PIK3C2B: variants seen among roughly 807,000 people sequenced by gnomAD.
PIK3C2B encodes the protein phosphatidylinositol-4-phosphate 3-kinase catalytic subunit type 2 beta.
A neutral mutation model predicts 184.3 loss-of-function variants in PIK3C2B; 83 were observed. That is an observed-to-expected ratio of 0.45 (90% CI 0.38 to 0.54). The LOEUF is 0.54. PIK3C2B is among the 20% of genes least tolerant of loss of function. The pLI is 0.00. For synonymous variants in PIK3C2B, 779 were observed against 837.6 expected, an observed-to-expected ratio of 0.93 and a Z score of 1.21; for missense variants, 1,736 against 2,113.5, an observed-to-expected ratio of 0.82 and a Z score of 3.50.
chr1:204,488,720 T>A (rs1204911691), intron 1 of PIK3C2B, among the ~76,000 whole-genome samples: 1 of 152,104 alleles, frequency 6.6e-6, no homozygotes, highest in Non-Finnish European at 1.5e-5. Context: ...CTGCCCCAAT[T>A]CCTACTCATT....
intron 9 of PIK3C2B, 149 bp from the exon 10 acceptor site, chr1:204,457,219 G>A (rs1165013016): frequency 1.5e-6 from 1 of 670,588 alleles, no homozygotes; most frequent in Admixed American, 2.8e-5. Flanking sequence ...AGAGAGTAAT[G>A]GTTTGTACCA....
At position 204,429,932 on chromosome 1, in the gene PIK3C2B, CA is replaced by C. The variant is rs752234098; in HGVS notation, c.4386del (p.Glu1463ArgfsTer46). 6.2e-7 allele frequency: 1 copy of C among 1,608,836 alleles called. No homozygotes were observed. Among genetic ancestry groups the C allele is most frequent in the East Asian group, 2.2e-5 (1 of 44,870 alleles). Reference protein sequence around the residue: ...GYIWHLIHAPPEVAECDLVYT... With the variant: ...GYIWHLIHAPXEVAECDLVYT... ...GCAAGCCCACCCACCTCGGCCACCT[CA>C]GGGGGTGCGTGGATCAAGTGCCAGA... On this transcript the variant is annotated frameshift_variant, in exon 29 of 33. Transcript: ENST00000684373. LOFTEE classifies it high-confidence loss of function.
rs1186080131 is a variant in PIK3C2B at position 204,487,210 on chromosome 1, A to AGGC, written c.-85+7145_-85+7146insGCC. ...AACCTCAAACTCCCCAGGTCAAGTGATCCTCCCACCTCAGCCTCTCAAGTA... is the reference window on the plus strand; with the variant it reads ...AACCTCAAACTCCCCAGGTCAAGTGAGGCTCCTCCCACCTCAGCCTCTCAAGTA... On this transcript the variant is annotated intron_variant, in intron 1 of 32. Transcript: ENST00000684373. 1.6e-3 allele frequency among the ~76,000 whole-genome samples: 241 copies of AGGC among 152,302 alleles called. 1 individual carries two copies. The highest frequency in any genetic ancestry group is 1.5e-3 in the Non-Finnish European group (101 of 68,018).
At chr1:204,488,070 T>C (rs1657750922) in intron 1 of PIK3C2B, among the ~76,000 whole-genome samples, 1 of 152,210 alleles carries the variant, frequency 6.6e-6, no homozygotes, top group African/African-American at 2.4e-5. Flanking sequence ...TATTATTATT[T>C]CCCTCATCTT....
chr1:204,464,017 C>T lies in PIK3C2B; in HGVS notation c.1305G>A (p.Leu435=). 1 of 1,613,894 alleles carries T rather than the reference C, an allele frequency of 6.2e-7. No individual in the cohort carries two copies. The highest frequency in any genetic ancestry group is 1.3e-5 in the African/African-American group (1 of 75,044). Residue 435 remains leucine, a synonymous_variant, in exon 5 of 33, where the codon CTG becomes CTA. Coordinates refer to ENST00000684373, the MANE Select transcript of PIK3C2B (RefSeq NM_001377334.1). ...CCTCCCACCCATTCACTCACTTCTG[C>T]AGGAACTCCTCCAGCCCGCAGGGCT... The part of the protein sequence containing the change: ...VLKPCGLEEF[L]QNKHALGSHE...
In PIK3C2B at chr1:204,431,754, C is replaced by A. The variant is rs1463640202; in HGVS notation, c.4195G>T (p.Ala1399Ser). The A allele has an allele frequency of 6.2e-7, 1 of 1,614,178 alleles. No individual in the cohort carries two copies. ...VKVMRENTHE[A>S]TYIQRTFEEF... Reference sequence around the variant, plus strand: ...TCAAAGGTCCGCTGGATGTAGGTGGCCTCGTGAGTGTTCTCTCGCATCACC... The same window carrying A: ...TCAAAGGTCCGCTGGATGTAGGTGGACTCGTGAGTGTTCTCTCGCATCACC... Residue 1399 changes from alanine (A) to serine (S), a missense_variant, in exon 28 of 33, where the codon GCC (alanine) becomes TCC (serine). Ala to Ser is a moderately conservative substitution (Grantham distance 99). Transcript: ENST00000684373.
intron 5 of PIK3C2B, 127 bp from the exon 6 acceptor site, chr1:204,460,788 A>T: frequency 1.5e-6 from 1 of 663,090 alleles, no homozygotes; most frequent in South Asian, 1.7e-5. Context: ...CCCGTGTTGT[A>T]CCCTACTTTG....
Position 204,447,680 on chromosome 1 carries a change from A to T in PIK3C2B, c.2347-102T>A. ...AGCATTCCGGCCTTGTCCCTCCCTCACTTTCCCTCAGGTTCTTTGTAAAAT... is the reference window on the plus strand; with the variant it reads ...AGCATTCCGGCCTTGTCCCTCCCTCTCTTTCCCTCAGGTTCTTTGTAAAAT... On this transcript the variant is annotated intron_variant, in intron 14 of 32. Coordinates refer to ENST00000684373, the MANE Select transcript of PIK3C2B (RefSeq NM_001377334.1). This position sits in a 1 kb window ranked among gnomAD's most constrained non-coding sequence, Gnocchi z 4.1. 1.3e-6 allele frequency: 1 copy of T among 780,188 alleles called. No individual in the cohort carries two copies. The allele number at this position is 780,188 out of a possible 1,614,324, so 48.3% of individuals were successfully genotyped here.
Position 204,433,549 on chromosome 1 carries a change from G to A in PIK3C2B, c.3844-124C>T. On this transcript the variant is annotated intron_variant, in intron 25 of 32. Transcript: ENST00000684373. This position sits in a 1 kb window ranked among gnomAD's most constrained non-coding sequence, Gnocchi z 5.0. ...TAACCCTTCTAGAGGGTGGTAGACA[G>A]ATGCTGTGGGCAGTGGCTGGAGGGC... 1 of 731,718 alleles carries A rather than the reference G, an allele frequency of 1.4e-6. No homozygotes were observed. Among genetic ancestry groups the A allele is most frequent in the Non-Finnish European group, 2.3e-6 (1 of 430,938 alleles). 45.3% of individuals were successfully genotyped at this position (731,718 alleles called of 1,614,324 possible). A position where few individuals can be genotyped will look rare whatever the true frequency, so the allele number is the denominator to read the frequency against.
intron 9 of PIK3C2B, 115 bp downstream of exon 9, chr1:204,457,612 TG>T: frequency 1.1e-6 from 1 of 943,508 alleles, no homozygotes; most frequent in Non-Finnish European, 1.5e-6. Context: ...AAGATGGAGG[TG>T]GAGAGAAGCC....
In PIK3C2B at chr1:204,433,943, A is replaced by G; in HGVS notation, c.3693T>C (p.Arg1231=). Residue 1231 remains arginine (R), a synonymous_variant, in exon 25 of 33, where the codon CGT becomes CGC. Transcript: ENST00000684373. This position sits in a 1 kb window ranked among gnomAD's most constrained non-coding sequence, Gnocchi z 5.0. ...TGTCCGAGGTGAAGACAAAGGGGGC[A>G]CGGTCCCTGAGCCAAGGGGAACATA... ...AQMFGNIKRD[R]APFVFTSDMA... 1.2e-6 allele frequency: 2 copies of G among 1,613,764 alleles called. No individual in the cohort carries two copies. Among genetic ancestry groups the G allele is most frequent in the Non-Finnish European group, 1.7e-6 (2 of 1,179,850 alleles).
intron 1 of PIK3C2B, among the ~76,000 whole-genome samples, chr1:204,491,744 T>C (rs1658029470): frequency 6.6e-6 from 1 of 152,246 alleles, no homozygotes; most frequent in African/African-American, 2.4e-5. Flanking sequence ...TGAGTAGCAC[T>C]GAGGCTATGA....
In PIK3C2B at chr1:204,425,768, TG is replaced by T. The variant is rs1572270771; in HGVS notation, c.4588-28del. On this transcript the variant is annotated intron_variant, in intron 31 of 32. Transcript: ENST00000684373. Reference sequence around the variant, plus strand: ...TACAATAGAATGAGAACCAAAAAAATGTTAAGATTTTTAACATCTGTCTCTT... The same window carrying T: ...TACAATAGAATGAGAACCAAAAAAATTTAAGATTTTTAACATCTGTCTCTT... The T allele has an allele frequency of 1.9e-6, 3 of 1,593,418 alleles. No individual in the cohort carries two copies. The East Asian group carries it at 6.7e-5, about 36-fold the overall frequency.
At chr1:204,438,721 G>C (rs1298569618) in intron 23 of PIK3C2B, among the ~76,000 whole-genome samples, 2 of 152,178 alleles carry the variant, frequency 1.3e-5, no homozygotes, top group Admixed American at 6.5e-5. Flanking sequence ...TCTCAGTCCA[G>C]CATCAGGGGA....
At chr1:204,475,461 A>C (rs1421719480) in intron 1 of PIK3C2B, among the ~76,000 whole-genome samples, 2 of 152,158 alleles carry the variant, frequency 1.3e-5, no homozygotes, top group Non-Finnish European at 2.9e-5. Flanking sequence ...CTTGAACTGG[A>C]ATGTCAGGGC....
At chr1:204,478,996 CCTGTAGA>C (rs1463534944) in intron 1 of PIK3C2B, among the ~76,000 whole-genome samples, 1 of 152,182 alleles carries the variant, frequency 6.6e-6, no homozygotes, top group Non-Finnish European at 1.5e-5. Context: ...TGCTACATAC[CCTGTAGA>C]CTGTGGGCTC....
In PIK3C2B at chr1:204,460,546, G is replaced by C. The variant is rs373022234; in HGVS notation, c.1422+4C>G. 6.2e-7 allele frequency: 1 copy of C among 1,611,410 alleles called. No individual in the cohort carries two copies. Among genetic ancestry groups the C allele is most frequent in the Non-Finnish European group, 8.5e-7 (1 of 1,177,736 alleles). On this transcript the variant is annotated splice_donor_region_variant and intron_variant, in intron 6 of 32. Transcript: ENST00000684373. ...GGGCAACCCTCCACCACCCTCACAC[G>C]AACCGTCCGGGCCAGGTCACTGCGC...
intron 1 of PIK3C2B, among the ~76,000 whole-genome samples, chr1:204,488,680 C>T (rs1657799763): frequency 6.6e-6 from 1 of 152,168 alleles, no homozygotes; most frequent in African/African-American, 2.4e-5. Flanking sequence ...GCTTTCAGTT[C>T]ACCTCATTCA....
chr1:204,492,268 C>G (rs139942087), intron 1 of PIK3C2B, among the ~76,000 whole-genome samples: 16 of 152,158 alleles, frequency 1.1e-4, no homozygotes, highest in Admixed American at 9.8e-4. Context: ...GCTACTCCCC[C>G]ACCTCCATTT....
Sources: allele counts gnomAD v4.1 joint callset (sites outside exome capture counted in the v4.1 genomes callset), GRCh38; gene constraint gnomAD v4.1.1; non-coding constraint Gnocchi (gnomAD v3.1); transcripts MANE v1.5; gene names NCBI Gene and HGNC (gene_info 2026-07-23, HGNC 2026-07-21).